Variants in MKLN1 observed in about 807,000 individuals in gnomAD.
MKLN1 encodes the protein muskelin.
MKLN1 carries 18 observed loss-of-function variants against 99.0 expected under a neutral mutation model. That is an observed-to-expected ratio of 0.18 (90% confidence interval 0.13 to 0.27). The LOEUF is 0.27. Among genes scored for constraint, MKLN1 ranks in the 10% least tolerant of loss-of-function variants. The pLI is 1.00. For synonymous variants in MKLN1, 288 were observed against 293.2 expected, an observed-to-expected ratio of 0.98 and a Z score of 0.18; for missense variants, 621 against 875.9, an observed-to-expected ratio of 0.71 and a Z score of 3.67.
Position 131,264,650 on chromosome 7 carries a change from G to GT in MKLN1, c.-179+61676_-179+61677insT, listed in dbSNP as rs1563271922. ...TTTTTGGGTCCCCGGAGGGTTTTTGGGTTTTTTTTCTTTTTAGTTATTATT... is the reference window on the plus strand; with the variant it reads ...TTTTTGGGTCCCCGGAGGGTTTTTGGTGTTTTTTTTCTTTTTAGTTATTATT... On this transcript the variant is annotated intron_variant, in intron 3 of 7. Transcript: ENST00000416992. Among the ~76,000 whole-genome samples, 152 of 150,132 alleles carry GT rather than the reference G, an allele frequency of 1.0e-3. 1 individual carries two copies. The East Asian group carries it at 0.023, about 23-fold the overall frequency.
At chr7:131,438,876 C>G (rs1795748430) in intron 10 of MKLN1, among the ~76,000 whole-genome samples, 1 of 151,642 alleles carries the variant, frequency 6.6e-6, no homozygotes, top group Non-Finnish European at 1.5e-5. Context: ...GACATAGAAC[C>G]CAGGGTCTTT....
rs951584445 is a variant in MKLN1 at position 131,459,052 on chromosome 7, A to G, written c.1526-4165A>G. On this transcript the variant is annotated intron_variant, in intron 12 of 17. Transcript: ENST00000352689. ...GAAGAAATGACCCAAAGATACGGGG[A>G]AAACTGTCCATTTTTTTGCTAAGAT... is the stretch of plus-strand genomic sequence containing the variant. Among the ~76,000 whole-genome samples the G allele has an allele frequency of 4.6e-5, 7 of 152,198 alleles. No homozygotes were observed. In the East Asian group the frequency reaches 1.2e-3, roughly 25 times the overall value.
At chr7:131,260,159 C>T (rs907867084) in intron 3 of MKLN1, among the ~76,000 whole-genome samples, 1 of 152,018 alleles carries the variant, frequency 6.6e-6, no homozygotes, top group Admixed American at 6.6e-5. Context: ...AATTCTGCCC[C>T]AGCCTCCCAA....
At chr7:131,381,887 A>G (rs990820808) in intron 2 of MKLN1, among the ~76,000 whole-genome samples, 2 of 152,200 alleles carry the variant, frequency 1.3e-5, no homozygotes, top group African/African-American at 4.8e-5. Context: ...ACATGCATAC[A>G]TCTGTATGTA....
intron 3 of MKLN1, among the ~76,000 whole-genome samples, chr7:131,321,142 C>T (rs918317545): frequency 3.9e-5 from 6 of 151,958 alleles, no homozygotes; most frequent in East Asian, 1.9e-4. Context: ...GTGTGTTTGC[C>T]GCAGCACTTT....
chr7:131,403,945 C>T (rs947928273), intron 6 of MKLN1, among the ~76,000 whole-genome samples: 3 of 152,142 alleles, frequency 2.0e-5, no homozygotes, highest in Non-Finnish European at 4.4e-5. Context: ...GTAAAAAACA[C>T]AGTATCTGTG....
intron 8 of MKLN1, among the ~76,000 whole-genome samples, chr7:131,424,262 G>A (rs1412984870): frequency 6.6e-6 from 1 of 150,870 alleles, no homozygotes; most frequent in Non-Finnish European, 1.5e-5. Flanking sequence ...AAGAATTAAG[G>A]TAACTTCTTT....
intron 3 of MKLN1, among the ~76,000 whole-genome samples, chr7:131,262,824 G>A (rs926481605): frequency 1.3e-5 from 2 of 152,034 alleles, no homozygotes; most frequent in Admixed American, 1.3e-4. Context: ...GGGATTACAG[G>A]CATGAGCCAC....
intron 6 of MKLN1, among the ~76,000 whole-genome samples, chr7:131,406,797 C>T (rs1794722477): frequency 1.3e-5 from 2 of 151,984 alleles, no homozygotes; most frequent in Admixed American, 6.6e-5. Flanking sequence ...GAATATCATT[C>T]GACTGTTATT....
intron 3 of MKLN1, among the ~76,000 whole-genome samples, chr7:131,301,879 C>T (rs1798381345): frequency 6.6e-6 from 1 of 152,182 alleles, no homozygotes; most frequent in Non-Finnish European, 1.5e-5. Flanking sequence ...GAAGCTATCC[C>T]ACCAGCCCCA....
intron 2 of MKLN1, among the ~76,000 whole-genome samples, chr7:131,152,542 C>T (rs1395593122): frequency 6.7e-6 from 1 of 148,830 alleles, no homozygotes; most frequent in Non-Finnish European, 1.5e-5. Context: ...CTCTGTCACC[C>T]GGGCTGGAGT....
chr7:131,248,074 A>AT (rs112584945), intron 3 of MKLN1, among the ~76,000 whole-genome samples: 7,644 of 57,296 alleles, frequency 0.13, 408 homozygotes, highest in African/African-American at 0.43. Flanking sequence ...AATTACATTT[A>AT]TTATTTATTT....
At chr7:131,319,320 C>T (rs1190212693) in intron 3 of MKLN1, among the ~76,000 whole-genome samples, 5 of 152,096 alleles carry the variant, frequency 3.3e-5, no homozygotes, top group East Asian at 1.9e-4. Flanking sequence ...TAATCTATCA[C>T]GTAAACAGAA....
intron 3 of MKLN1, among the ~76,000 whole-genome samples, chr7:131,283,848 G>T (rs1387224988): frequency 6.6e-6 from 1 of 152,154 alleles, no homozygotes; most frequent in Non-Finnish European, 1.5e-5. Flanking sequence ...AGTTTTGCAT[G>T]TTTAAACCTG....
At chr7:131,450,069 C>A (rs1484944965) in intron 12 of MKLN1, among the ~76,000 whole-genome samples, 1 of 152,086 alleles carries the variant, frequency 6.6e-6, no homozygotes, top group Non-Finnish European at 1.5e-5. Flanking sequence ...AATTTTGCCT[C>A]ATCTTCTCTC....
chr7:131,358,775 G>C (rs1799949461), intron 1 of MKLN1, among the ~76,000 whole-genome samples: 1 of 151,988 alleles, frequency 6.6e-6, no homozygotes, highest in South Asian at 2.1e-4. Flanking sequence ...TTAAGGAATT[G>C]GTCCATTTCA....
chr7:131,154,461 T>A lies in MKLN1; in HGVS notation c.-297+11520T>A, dbSNP rs561578137. 3.9e-4 allele frequency among the ~76,000 whole-genome samples: 60 copies of A among 152,266 alleles called. 1 individual carries two copies. Among genetic ancestry groups the A allele is most frequent in the African/African-American group, 1.3e-3 (52 of 41,548 alleles). The stretch of plus-strand genomic sequence containing the variant: ...CAGCATGAGAGGAAGGGAATATAGA[T>A]GTAACATGGAGGAGGTTAGGCAGAA... On this transcript the variant is annotated intron_variant, in intron 2 of 7. Transcript: ENST00000416992.
intron 1 of MKLN1, among the ~76,000 whole-genome samples, chr7:131,125,598 C>T (rs1470855835): frequency 6.6e-6 from 1 of 152,180 alleles, no homozygotes; most frequent in African/African-American, 2.4e-5. Context: ...AGGCTAGGCA[C>T]TGTGGCTCAC....
chr7:131,329,132 G>GT (rs771555007), intron 1 of MKLN1, among the ~76,000 whole-genome samples: 2 of 152,212 alleles, frequency 1.3e-5, no homozygotes, highest in Non-Finnish European at 2.9e-5. Flanking sequence ...GCATACTCAA[G>GT]TAAGTTTTCC....
Sources: gnomAD v4.1 joint callset for allele counts (sites outside exome capture counted in the v4.1 genomes callset) on GRCh38, gnomAD v4.1.1 for gene constraint, MANE v1.5 for transcripts, NCBI Gene and HGNC (gene_info 2026-07-23, HGNC 2026-07-21) for gene names.